The following ENTHD1 variants were observed in gnomAD, a reference collection of about 807,000 sequenced individuals.
ENTHD1 encodes ENTH domain containing 1.
Under a neutral mutation model 39.1 loss-of-function variants are expected in ENTHD1, and 23 were observed. The ratio of observed to expected loss-of-function variants is 0.59; its 90% CI spans 0.42 to 0.83. The LOEUF is 0.83. Ranked by LOEUF, ENTHD1 falls within the 40% of genes least tolerant of loss-of-function variation. The probability of loss-of-function intolerance (pLI) is 0.00; values close to 1 mark genes in which losing one functional copy is unlikely to be tolerated. For synonymous variants in ENTHD1, 230 were observed against 258.2 expected (o/e 0.89, Z 1.05); for missense variants, 624 against 705.4 (o/e 0.88, Z 1.31).
In ENTHD1 at chr22:39,761,663, T is replaced by C. The variant is rs181309673; in HGVS notation, c.1219+3560A>G. The stretch of plus-strand genomic sequence containing the variant: ...ATTTTTCAGATTAGATGATTTCTAT[T>C]GATCTATTTTCAAATTCACTTGCTC... On this transcript the variant is annotated intron_variant, in intron 6 of 6. Coordinates refer to ENST00000325157, the MANE Select transcript of ENTHD1 (RefSeq NM_152512.4). 6.0e-4 allele frequency among the ~76,000 whole-genome samples: 91 copies of C among 152,280 alleles called. 1 individual carries two copies. The highest frequency in any genetic ancestry group is 1.9e-3 in the African/African-American group (78 of 41,576).
intron 4 of ENTHD1, among the ~76,000 whole-genome samples, chr22:39,824,772 A>G (rs1320455886): frequency 2.0e-5 from 3 of 152,116 alleles, no homozygotes; most frequent in African/African-American, 7.2e-5. Flanking sequence ...CACCGATCCA[A>G]GTGTTTGTCT....
At chr22:39,763,026 A>T (rs2065248158) in intron 6 of ENTHD1, among the ~76,000 whole-genome samples, 2 of 152,176 alleles carry the variant, frequency 1.3e-5, no homozygotes, top group South Asian at 4.1e-4. Flanking sequence ...GTCTTCTGGA[A>T]GGCAGATGGA....
intron 1 of ENTHD1, among the ~76,000 whole-genome samples, chr22:39,893,064 C>T (rs192929156): frequency 1.3e-5 from 2 of 152,260 alleles, no homozygotes; most frequent in East Asian, 3.9e-4. Context: ...AACAGCTACT[C>T]TTCATTGAAC....
At chr22:39,760,251 ATT>A (rs763021278) in intron 6 of ENTHD1, among the ~76,000 whole-genome samples, 5 of 152,022 alleles carry the variant, frequency 3.3e-5, no homozygotes, top group Non-Finnish European at 7.4e-5. Flanking sequence ...AAAACTGCAG[ATT>A]TGTGTAATTT....
intron 5 of ENTHD1, among the ~76,000 whole-genome samples, chr22:39,814,295 C>CAAAAAAAAAAA (rs77915572): frequency 2.3e-4 from 22 of 97,696 alleles, no homozygotes; most frequent in African/African-American, 5.4e-4. Context: ...CCCATCTCTA[C>CAAAAAAAAAAA]AAAAAAAAAA....
chr22:39,793,814 C>A (rs985103950), intron 5 of ENTHD1, among the ~76,000 whole-genome samples: 3 of 152,168 alleles, frequency 2.0e-5, no homozygotes, highest in Non-Finnish European at 4.4e-5. Context: ...TTCCATTGGT[C>A]TATGTGTCTG....
At chr22:39,763,225 C>T (rs1343247287) in intron 6 of ENTHD1, among the ~76,000 whole-genome samples, 1 of 152,178 alleles carries the variant, frequency 6.6e-6, no homozygotes, top group East Asian at 1.9e-4. Flanking sequence ...ATCCTGAACT[C>T]CAACATTTGT....
At position 39,766,019 on chromosome 22, in the gene ENTHD1, C is replaced by CAAAAAAAAAAAAAAAAAAAA. The variant is rs11367784; in HGVS notation, c.833-430_833-411dup. 7.7e-4 allele frequency among the ~76,000 whole-genome samples: 37 copies of CAAAAAAAAAAAAAAAAAAAA among 48,350 alleles called. 2 individuals carry two copies. Among genetic ancestry groups the CAAAAAAAAAAAAAAAAAAAA allele is most frequent in the Non-Finnish European group, 8.5e-4 (23 of 26,922 alleles). The allele number at this position is 48,350 out of a possible 152,430, so 31.7% of individuals were successfully genotyped here. A position where few individuals can be genotyped will look rare whatever the true frequency, so the allele number is the denominator to read the frequency against. Reference sequence around the variant, plus strand: ...TCTATCCTTACAGAACCCTCAGCTACAAAAAAAAAAAAAAAAAAAAAAAAA... The same window carrying CAAAAAAAAAAAAAAAAAAAA: ...TCTATCCTTACAGAACCCTCAGCTACAAAAAAAAAAAAAAAAAAAAAAAAAAAAAAAAAAAAAAAAAAAAA... On this transcript the variant is annotated intron_variant, in intron 5 of 6. Transcript: ENST00000325157.
chr22:39,841,637 C>T (rs1243459754), intron 3 of ENTHD1, among the ~76,000 whole-genome samples: 8 of 150,444 alleles, frequency 5.3e-5, no homozygotes, highest in African/African-American at 2.0e-4. Flanking sequence ...TGTCTCTGCA[C>T]GTGAGATGGG....
intron 3 of ENTHD1, among the ~76,000 whole-genome samples, chr22:39,856,046 G>A (rs1006832980): frequency 2.6e-5 from 4 of 151,972 alleles, no homozygotes; most frequent in African/African-American, 4.8e-5. Flanking sequence ...AGGCTGAGGC[G>A]GGCAGATCAC....
chr22:39,850,051 G>A (rs923929956), intron 3 of ENTHD1, among the ~76,000 whole-genome samples: 3 of 151,918 alleles, frequency 2.0e-5, no homozygotes, highest in East Asian at 1.9e-4. Flanking sequence ...GTAAGAAAAC[G>A]TGTCCTCTAT....
intron 5 of ENTHD1, among the ~76,000 whole-genome samples, chr22:39,766,127 A>G (rs1159108124): frequency 2.0e-5 from 3 of 151,982 alleles, no homozygotes; most frequent in Non-Finnish European, 2.9e-5. Context: ...AGGCACATTA[A>G]AGAAACTCAG....
intron 6 of ENTHD1, among the ~76,000 whole-genome samples, chr22:39,751,959 T>C (rs2065150686): frequency 6.6e-6 from 1 of 152,130 alleles, no homozygotes; most frequent in South Asian, 2.1e-4. Flanking sequence ...AAAAGAAAAA[T>C]TTAACATTTT....
chr22:39,849,345 A>C (rs1260615462), intron 3 of ENTHD1, among the ~76,000 whole-genome samples: 1 of 152,168 alleles, frequency 6.6e-6, no homozygotes, highest in African/African-American at 2.4e-5. Context: ...GATTCAATAC[A>C]ACAGAAAGGG....
At chr22:39,763,083 G>T (rs978043231) in intron 6 of ENTHD1, among the ~76,000 whole-genome samples, 7 of 152,176 alleles carry the variant, frequency 4.6e-5, no homozygotes, top group Non-Finnish European at 8.8e-5. Flanking sequence ...TTTATTAATA[G>T]TATTTGTGAG....
Position 39,887,824 on chromosome 22 carries a change from T to C in ENTHD1, c.-76A>G. 4 of 1,068,824 alleles carry C rather than the reference T, an allele frequency of 3.7e-6. No individual in the cohort carries two copies. Among genetic ancestry groups the C allele is most frequent in the Non-Finnish European group, 5.3e-6 (4 of 748,934 alleles). 66.2% of individuals were successfully genotyped at this position (1,068,824 alleles called of 1,614,324 possible). The stretch of plus-strand genomic sequence containing the variant: ...AGTTTATGTCACGGGTTTATAAAAC[T>C]CTTGACAGGTAATTGGTCCCCAGTT... On this transcript the variant is annotated 5_prime_UTR_variant, in exon 2 of 7. Transcript: ENST00000325157.
intron 6 of ENTHD1, among the ~76,000 whole-genome samples, chr22:39,754,642 C>T (rs1045708534): frequency 5.3e-5 from 8 of 152,298 alleles, no homozygotes; most frequent in African/African-American, 1.9e-4. Flanking sequence ...CCTTACAGGC[C>T]CTCCAGATGG....
At chr22:39,816,322 TAA>T (rs2065733482) in intron 5 of ENTHD1, among the ~76,000 whole-genome samples, 1 of 152,204 alleles carries the variant, frequency 6.6e-6, no homozygotes, top group African/African-American at 2.4e-5. Context: ...GGGAAAAATA[TAA>T]AGTCTATTTT....
intron 3 of ENTHD1, among the ~76,000 whole-genome samples, chr22:39,850,541 A>G (rs528295339): frequency 1.3e-5 from 2 of 152,104 alleles, no homozygotes; most frequent in South Asian, 4.2e-4. Context: ...GTGATTATTA[A>G]TCTATCTGGG....
Sources: allele counts gnomAD v4.1 joint callset (sites outside exome capture counted in the v4.1 genomes callset), GRCh38; gene constraint gnomAD v4.1.1; transcripts MANE v1.5; gene names NCBI Gene and HGNC (gene_info 2026-07-23, HGNC 2026-07-21).